PARL: variants seen among roughly 807,000 people sequenced by gnomAD.
PARL encodes presenilin associated rhomboid like.
PARL carries 44 observed loss-of-function variants against 51.6 expected under a neutral mutation model. The observed-to-expected ratio is 0.85, with a 90% CI of 0.67 to 1.10. The LOEUF is 1.10. Among genes scored for constraint, PARL ranks in the 50% least tolerant of loss-of-function variants. The pLI is 0.00. For missense variants in PARL, 441 were observed against 469.5 expected, an observed-to-expected ratio of 0.94 and a Z score of 0.56; for synonymous variants, 172 against 164.0, an observed-to-expected ratio of 1.05 and a Z score of -0.37.
intron 4 of PARL, among the ~76,000 whole-genome samples, chr3:183,851,957 C>T (rs138963976): frequency 2.1e-3 from 320 of 152,174 alleles, no homozygotes; most frequent in African/African-American, 7.5e-3. Context: ...CCCAGGAGTT[C>T]GAAAGCAGCC....
chr3:183,840,703 T>TC (rs1729200324), intron 6 of PARL, 63 bp from the exon 7 acceptor site: 1 of 863,758 alleles, frequency 1.2e-6, no homozygotes, highest in African/African-American at 1.8e-5. Context: ...CTTTTTTTTT[T>TC]CTTTTCTTTT....
intron 4 of PARL, among the ~76,000 whole-genome samples, chr3:183,855,504 G>T (rs1027918987): frequency 1.2e-4 from 18 of 152,118 alleles, no homozygotes; most frequent in African/African-American, 4.3e-4. Context: ...TTTTGTGTTA[G>T]ACAATTTTTC....
At position 183,864,600 on chromosome 3, in the gene PARL, C is replaced by A. The variant is rs530391699; in HGVS notation, c.463-1799G>T. Among the ~76,000 whole-genome samples, 278 of 152,022 alleles carry A rather than the reference C, an allele frequency of 1.8e-3. 1 individual carries two copies. The highest frequency in any genetic ancestry group is 6.5e-3 in the African/African-American group (269 of 41,482). ...GACCATCCTGGCTAACACGGTGAAACCCCGTCTCTACCAAAAATACAAAAA... is the reference window on the plus strand; with the variant it reads ...GACCATCCTGGCTAACACGGTGAAAACCCGTCTCTACCAAAAATACAAAAA... On this transcript the variant is annotated intron_variant, in intron 3 of 9. Coordinates refer to ENST00000317096, the MANE Select transcript of PARL (RefSeq NM_018622.7).
At chr3:183,835,138 T>C (rs1027008876) in intron 7 of PARL, among the ~76,000 whole-genome samples, 11 of 142,586 alleles carry the variant, frequency 7.7e-5, no homozygotes, top group African/African-American at 2.9e-4. Context: ...CATAAGTTTT[T>C]AATTATTTAT....
chr3:183,866,613 G>A lies in PARL; in HGVS notation c.462+12C>T. 1.2e-6 allele frequency: 2 copies of A among 1,608,374 alleles called. No individual in the cohort carries two copies. Among genetic ancestry groups the A allele is most frequent in the East Asian group, 2.2e-5 (1 of 44,772 alleles). On this transcript the variant is annotated intron_variant, in intron 3 of 9. Coordinates refer to ENST00000317096, the MANE Select transcript of PARL (RefSeq NM_018622.7). ...GATTAACTAGAAGAAAGAAAGCAGTGTTTATCTTTACCTCCTTTCTGAAGT... is the reference window on the plus strand; with the variant it reads ...GATTAACTAGAAGAAAGAAAGCAGTATTTATCTTTACCTCCTTTCTGAAGT...
At chr3:183,842,502 T>G (rs1729443071) in intron 5 of PARL, 55 bp from the exon 6 acceptor site, 2 of 1,570,070 alleles carry the variant, frequency 1.3e-6, no homozygotes, top group Non-Finnish European at 1.7e-6. Flanking sequence ...CCAATAAAAA[T>G]TATCCATTTT....
intron 7 of PARL, among the ~76,000 whole-genome samples, chr3:183,837,656 G>A (rs1181267306): frequency 2.0e-5 from 3 of 152,124 alleles, no homozygotes; most frequent in Non-Finnish European, 4.4e-5. Flanking sequence ...CAGCAGTAAC[G>A]AGTCACGGCA....
rs890576173 is a variant in PARL at position 183,867,905 on chromosome 3, G to A, written c.281C>T (p.Pro94Leu). 2 of 1,613,386 alleles carry A rather than the reference G, an allele frequency of 1.2e-6. No homozygotes were observed. Among genetic ancestry groups the A allele is most frequent in the East Asian group, 4.5e-5 (2 of 44,884 alleles). ...EETVFYPSPY[P>L]IRSLIKPLFF... ...TAAAGGTTTTATGAGACTCCTTATAGGATAGGGAGAAGGATAAAAGACTGT... is the reference window on the plus strand; with the variant it reads ...TAAAGGTTTTATGAGACTCCTTATAAGATAGGGAGAAGGATAAAAGACTGT... Residue 94 changes from proline to leucine, a missense_variant, in exon 2 of 10, where the codon CCT becomes CTT. Transcript: ENST00000317096.
chr3:183,830,295 C>T (rs568015892), intron 9 of PARL, among the ~76,000 whole-genome samples: 1 of 152,342 alleles, frequency 6.6e-6, no homozygotes, highest in South Asian at 2.1e-4. Flanking sequence ...GAGGCTGACG[C>T]ACAGAGAGGT....
In PARL at chr3:183,846,442, G is replaced by A. The variant is rs185058704; in HGVS notation, c.512-2116C>T. The A allele has an allele frequency of 1.6e-5, 13 of 792,884 alleles. No individual in the cohort carries two copies. In the East Asian group the frequency reaches 1.0e-3, roughly 62 times the overall value. 49.1% of individuals were successfully genotyped at this position (792,884 alleles called of 1,614,324 possible). On this transcript the variant is annotated intron_variant, in intron 4 of 9. Transcript: ENST00000317096. ...CAGGAGGCGGAGGTTGAGGTGAGCCGAGATCACGCCATTGCACTCCAGCCT... is the reference window on the plus strand; with the variant it reads ...CAGGAGGCGGAGGTTGAGGTGAGCCAAGATCACGCCATTGCACTCCAGCCT...
At chr3:183,831,241 G>A (rs1193350188) in intron 9 of PARL, among the ~76,000 whole-genome samples, 3 of 152,204 alleles carry the variant, frequency 2.0e-5, no homozygotes, top group Non-Finnish European at 4.4e-5. Context: ...CTCCCAAAGT[G>A]CTGGGATTAC....
chr3:183,863,239 T>C (rs1335259818), intron 3 of PARL, among the ~76,000 whole-genome samples: 1 of 152,190 alleles, frequency 6.6e-6, no homozygotes, highest in Non-Finnish European at 1.5e-5. Flanking sequence ...TTTAAAGATA[T>C]AGTAATGGTA....
intron 3 of PARL, among the ~76,000 whole-genome samples, chr3:183,865,383 G>A (rs911226104): frequency 6.6e-6 from 1 of 152,104 alleles, no homozygotes; most frequent in South Asian, 2.1e-4. Context: ...GTTCAAATAC[G>A]TACTCTAAAG....
intron 1 of PARL, among the ~76,000 whole-genome samples, chr3:183,876,070 G>A (rs1733766473): frequency 6.6e-6 from 1 of 152,100 alleles, no homozygotes; most frequent in African/African-American, 2.4e-5. Context: ...TTTTGAGATG[G>A]AGTCTCACTC....
intron 4 of PARL, among the ~76,000 whole-genome samples, chr3:183,848,477 G>A (rs983452911): frequency 9.2e-5 from 14 of 152,128 alleles, no homozygotes; most frequent in African/African-American, 2.4e-4. Context: ...TCCTGACCTC[G>A]TGATCTGCCC....
intron 4 of PARL, chr3:183,846,392 C>A (rs988442990): frequency 3.4e-6 from 1 of 290,682 alleles, no homozygotes; most frequent in African/African-American, 2.3e-5. Flanking sequence ...ACTCAGGAGG[C>A]TGAGGCAGGA....
intron 4 of PARL, among the ~76,000 whole-genome samples, chr3:183,851,139 A>C (rs1376034239): frequency 6.6e-6 from 1 of 152,260 alleles, no homozygotes; most frequent in Non-Finnish European, 1.5e-5. Flanking sequence ...AATCTCAAAT[A>C]CAAACATTAA....
intron 4 of PARL, among the ~76,000 whole-genome samples, chr3:183,853,952 G>T (rs540254593): frequency 6.6e-4 from 101 of 152,162 alleles, no homozygotes; most frequent in Non-Finnish European, 1.2e-3. Flanking sequence ...ACATCCAAAA[G>T]AATTGGCCAG....
intron 1 of PARL, among the ~76,000 whole-genome samples, chr3:183,875,384 C>T (rs966485811): frequency 8.0e-6 from 1 of 124,716 alleles, no homozygotes; most frequent in Non-Finnish European, 1.6e-5. Flanking sequence ...CACTGCACTC[C>T]AGCCTGGGCG....
Sources: gnomAD v4.1 joint callset for allele counts (sites outside exome capture counted in the v4.1 genomes callset) on GRCh38, gnomAD v4.1.1 for gene constraint, MANE v1.5 for transcripts, NCBI Gene and HGNC (gene_info 2026-07-23, HGNC 2026-07-21) for gene names.